The following PTPRD variants were observed in gnomAD, a reference collection of about 807,000 sequenced individuals.
PTPRD encodes the protein protein tyrosine phosphatase receptor type D, also known as receptor-type tyrosine-protein phosphatase delta.
A neutral mutation model predicts 214.5 loss-of-function variants in PTPRD; 34 were observed. That is an observed-to-expected ratio of 0.16 (90% CI 0.12 to 0.21). The LOEUF (loss-of-function observed/expected upper bound fraction) is 0.21. Ranked by LOEUF, PTPRD falls within the 10% of genes least tolerant of loss-of-function variation. The pLI, the probability that PTPRD is intolerant of heterozygous loss-of-function variation, is 1.00. For synonymous variants in PTPRD, 1,128 were observed against 845.7 expected (o/e 1.33, Z -5.79); for missense variants, 2,545 against 2,398.7 (o/e 1.06, Z -1.27).
intron 2 of PTPRD, among the ~76,000 whole-genome samples, chr9:10,559,289 C>G (rs1282505189): frequency 6.6e-6 from 1 of 152,034 alleles, no homozygotes; most frequent in Non-Finnish European, 1.5e-5. Flanking sequence ...TCATGCACAT[C>G]CAAATGTATA....
chr9:9,230,473 A>T (rs948756588), intron 9 of PTPRD, among the ~76,000 whole-genome samples: 2 of 152,088 alleles, frequency 1.3e-5, no homozygotes, highest in African/African-American at 4.8e-5. Flanking sequence ...CACACCTGAG[A>T]ATAGGGTTGT....
intron 45 of PTPRD, among the ~76,000 whole-genome samples, chr9:8,319,315 A>C (rs1824939433): frequency 6.6e-6 from 1 of 152,108 alleles, no homozygotes; most frequent in Non-Finnish European, 1.5e-5. Context: ...CCAAATTTCC[A>C]TATTAATTAT....
intron 11 of PTPRD, among the ~76,000 whole-genome samples, chr9:8,945,814 A>G (rs2099060703): frequency 1.3e-5 from 2 of 152,122 alleles, no homozygotes; most frequent in South Asian, 4.1e-4. Flanking sequence ...CATCAGCTAA[A>G]CCAAATTCTA....
intron 5 of PTPRD, among the ~76,000 whole-genome samples, chr9:9,795,914 C>T (rs1170096917): frequency 6.6e-6 from 1 of 152,042 alleles, no homozygotes; most frequent in Admixed American, 6.6e-5. Context: ...CATTTCTAGT[C>T]TCTCTACAGA....
At chr9:9,136,676 A>C (rs2154478416) in intron 10 of PTPRD, among the ~76,000 whole-genome samples, 1 of 152,318 alleles carries the variant, frequency 6.6e-6, no homozygotes, top group Admixed American at 6.5e-5. Context: ...TAGTAGTTTA[A>C]GATTTTCAAA....
At chr9:8,749,554 C>T (rs2154460187) in intron 11 of PTPRD, among the ~76,000 whole-genome samples, 1 of 152,278 alleles carries the variant, frequency 6.6e-6, no homozygotes, top group Non-Finnish European at 1.5e-5. Context: ...TTTTACTAGT[C>T]TGTCCACCAA....
At chr9:9,443,872 A>G (rs1402598363) in intron 8 of PTPRD, among the ~76,000 whole-genome samples, 4 of 152,216 alleles carry the variant, frequency 2.6e-5, no homozygotes, top group African/African-American at 9.6e-5. Context: ...ACAGCAGTGG[A>G]TAACTGGAAC....
At chr9:9,197,415 CAT>C (rs2099939235) in intron 9 of PTPRD, among the ~76,000 whole-genome samples, 1 of 152,108 alleles carries the variant, frequency 6.6e-6, no homozygotes, top group Non-Finnish European at 1.5e-5. Context: ...GTTGTCTCCA[CAT>C]GTCATTATTT....
At chr9:8,812,754 T>C (rs73640955) in intron 11 of PTPRD, among the ~76,000 whole-genome samples, 2,435 of 151,558 alleles carry the variant, frequency 0.016, 68 homozygotes, top group African/African-American at 0.056. Context: ...GCTAATAAAA[T>C]ATACAAACTT....
At chr9:8,546,710 G>C (rs1343371348) in intron 14 of PTPRD, among the ~76,000 whole-genome samples, 1 of 152,066 alleles carries the variant, frequency 6.6e-6, no homozygotes, top group Admixed American at 6.6e-5. Flanking sequence ...ACGTTGGCCA[G>C]GCTGGTCTTG....
intron 2 of PTPRD, among the ~76,000 whole-genome samples, chr9:10,435,992 C>T (rs1298599912): frequency 4.0e-5 from 6 of 151,654 alleles, no homozygotes; most frequent in Non-Finnish European, 7.4e-5. Context: ...ACAGAGACAA[C>T]GCAGCATTTC....
At chr9:10,245,939 C>T (rs1240751982) in intron 3 of PTPRD, among the ~76,000 whole-genome samples, 1 of 152,124 alleles carries the variant, frequency 6.6e-6, no homozygotes, top group Non-Finnish European at 1.5e-5. Flanking sequence ...TAAGCCAAAT[C>T]AGTGATAGAA....
At chr9:9,483,668 T>A (rs1207258777) in intron 8 of PTPRD, among the ~76,000 whole-genome samples, 1 of 151,906 alleles carries the variant, frequency 6.6e-6, no homozygotes, top group Non-Finnish European at 1.5e-5. Flanking sequence ...TTGCAGTGAG[T>A]GATAATACCA....
intron 44 of PTPRD, among the ~76,000 whole-genome samples, chr9:8,325,746 CTT>C (rs1314266356): frequency 2.0e-5 from 3 of 152,156 alleles, no homozygotes; most frequent in Non-Finnish European, 2.9e-5. Context: ...TGTGTCCTCT[CTT>C]GTTTCATTGA....
chr9:10,415,536 T>A (rs1290454216), intron 2 of PTPRD, among the ~76,000 whole-genome samples: 1 of 151,882 alleles, frequency 6.6e-6, no homozygotes. Context: ...GGCAACAGCT[T>A]TTTTGTTCCT....
At chr9:9,053,113 A>C (rs2099689545) in intron 10 of PTPRD, among the ~76,000 whole-genome samples, 1 of 152,186 alleles carries the variant, frequency 6.6e-6, no homozygotes, top group South Asian at 2.1e-4. Flanking sequence ...AAGCATATTC[A>C]TTTTTGCTTC....
chr9:9,582,316 C>T (rs912164569), intron 7 of PTPRD, among the ~76,000 whole-genome samples: 2 of 150,926 alleles, frequency 1.3e-5, no homozygotes, highest in African/African-American at 4.9e-5. Flanking sequence ...CCTCTTTGTC[C>T]CTCCGTCCCT....
chr9:10,145,263 G>C (rs1161620477), intron 3 of PTPRD, among the ~76,000 whole-genome samples: 1 of 151,316 alleles, frequency 6.6e-6, no homozygotes, highest in South Asian at 2.1e-4. Context: ...ATGAATGCTT[G>C]CATGTGTTTG....
intron 11 of PTPRD, among the ~76,000 whole-genome samples, chr9:8,997,214 T>C (rs1005355062): frequency 7.2e-5 from 11 of 152,130 alleles, no homozygotes; most frequent in African/African-American, 2.7e-4. Flanking sequence ...AAGTCAGATA[T>C]ACAGGCACAC....
Sources: allele counts gnomAD v4.1 joint callset (sites outside exome capture counted in the v4.1 genomes callset), GRCh38; gene constraint gnomAD v4.1.1; transcripts MANE v1.5; gene names NCBI Gene and HGNC (gene_info 2026-07-23, HGNC 2026-07-21).